The following CEP63 variants were observed in gnomAD, a reference collection of about 807,000 sequenced individuals.
CEP63 encodes centrosomal protein 63.
Under a neutral mutation model 89.1 loss-of-function variants are expected in CEP63, and 84 were observed. That is an observed-to-expected ratio of 0.94 (90% confidence interval 0.79 to 1.13). The LOEUF is 1.13. CEP63 is among the 50% of genes most tolerant of loss of function. CEP63 has a pLI of 0.00. For synonymous variants in CEP63, 267 were observed against 272.5 expected (o/e 0.98, Z 0.20); for missense variants, 838 against 813.3 (o/e 1.03, Z -0.37).
the CEP63 span, chr3:134,620,912 G>T: frequency 4.6e-6 from 5 of 1,091,080 alleles, no homozygotes; most frequent in East Asian, 2.5e-5. Context: ...GCTGTTGGGG[G>T]CCCAGCATCT....
the CEP63 span, among the ~76,000 whole-genome samples, chr3:134,719,056 C>T: frequency 1.3e-5 from 2 of 152,364 alleles, no homozygotes; most frequent in Admixed American, 1.3e-4. Flanking sequence ...TCTTCATTCA[C>T]TAACTGTGCA....
At chr3:134,608,542 G>C in the CEP63 span, 2 of 1,604,822 alleles carry the variant, frequency 1.2e-6, no homozygotes, top group South Asian at 2.2e-5. Flanking sequence ...CAAGCCATGC[G>C]TCTGGAAGGG....
chr3:134,699,766 C>G, the CEP63 span, among the ~76,000 whole-genome samples: 1 of 152,240 alleles, frequency 6.6e-6, no homozygotes, highest in African/African-American at 2.4e-5. Flanking sequence ...CCTTGACTGT[C>G]ATCCTGGGCT....
In CEP63 at chr3:134,493,822, G is replaced by A. The variant is rs541242358; in HGVS notation, c.-25-1474G>A. Among the ~76,000 whole-genome samples, 2 of 152,242 alleles carry A rather than the reference G, an allele frequency of 1.3e-5. 1 individual carries two copies. The highest frequency in any genetic ancestry group is 4.8e-5 in the African/African-American group (2 of 41,524). The stretch of plus-strand genomic sequence containing the variant: ...TTGTTAGTACAACATTGAATTACGT[G>A]TTGAGTAAAATAATCTACTTCTTAC... On this transcript the variant is annotated intron_variant, in intron 1 of 14. Transcript: ENST00000675561.
chr3:134,700,068 C>T, the CEP63 span, among the ~76,000 whole-genome samples: 1 of 152,242 alleles, frequency 6.6e-6, no homozygotes, highest in Non-Finnish European at 1.5e-5. Context: ...ACATGTTGTG[C>T]CCTTGGTGGC....
At chr3:134,717,438 G>C in the CEP63 span, among the ~76,000 whole-genome samples, 1 of 152,268 alleles carries the variant, frequency 6.6e-6, no homozygotes, top group South Asian at 2.1e-4. Context: ...TAGCTTGGGT[G>C]ATCTTATCTT....
the CEP63 span, among the ~76,000 whole-genome samples, chr3:134,750,709 A>T: frequency 3.3e-5 from 5 of 152,168 alleles, no homozygotes; most frequent in African/African-American, 1.2e-4. Context: ...CTCTGGCCTT[A>T]TCTTTCCCAC....
At position 134,520,734 on chromosome 3, in the gene CEP63, A is replaced by G. The variant is rs112953534; in HGVS notation, c.223-11111A>G. ...GAGTCCCGTAACAGAGATCCCACAT[A>G]TGTGAACATTTGATTCATGACAAGA... On this transcript the variant is annotated intron_variant, in intron 3 of 14. Coordinates refer to ENST00000675561, the MANE Select transcript of CEP63 (RefSeq NM_001353108.3). Among the ~76,000 whole-genome samples the G allele has an allele frequency of 8.7e-3, 1,325 of 152,298 alleles. 18 individuals are homozygous for G. The highest frequency in any genetic ancestry group is 0.031 in the African/African-American group (1,274 of 41,572).
chr3:134,619,134 C>T, the CEP63 span: 4 of 1,605,904 alleles, frequency 2.5e-6, no homozygotes, highest in Admixed American at 3.3e-5. Flanking sequence ...CATGGGGACT[C>T]CTGTCTCTCG....
At chr3:134,503,173 C>A (rs1306606005) in intron 2 of CEP63, among the ~76,000 whole-genome samples, 2 of 140,778 alleles carry the variant, frequency 1.4e-5, no homozygotes. Context: ...CTCCTCTTAG[C>A]ACTGCCTTTG....
chr3:134,649,384 A>G, the CEP63 span, among the ~76,000 whole-genome samples: 1 of 152,136 alleles, frequency 6.6e-6, no homozygotes, highest in Admixed American at 6.5e-5. Flanking sequence ...AGCCTTTAGA[A>G]GTGATGTGAT....
the CEP63 span, among the ~76,000 whole-genome samples, chr3:134,623,656 C>G: frequency 2.0e-5 from 3 of 152,002 alleles, no homozygotes; most frequent in Non-Finnish European, 4.4e-5. Flanking sequence ...CACTACTCAC[C>G]TCCTGCTTGC....
intron 1 of CEP63, chr3:134,486,826 T>A (rs1471145782): frequency 6.6e-6 from 1 of 152,422 alleles, no homozygotes; most frequent in Non-Finnish European, 1.5e-5. Flanking sequence ...TGGAGAACCC[T>A]GAACTAACGG....
chr3:134,578,081 G>A (rs547829360), downstream of CEP63, among the ~76,000 whole-genome samples: 3 of 152,136 alleles, frequency 2.0e-5, no homozygotes, highest in Non-Finnish European at 2.9e-5. Context: ...TGCAATAAAC[G>A]TGTGTGCATG....
intron 6 of CEP63, among the ~76,000 whole-genome samples, chr3:134,538,533 G>GTATA (rs1404514000): frequency 0.025 from 2,556 of 101,148 alleles, 58 homozygotes; most frequent in African/African-American, 0.053. Flanking sequence ...GTGTGTGTGT[G>GTATA]TATATATATA....
the CEP63 span, among the ~76,000 whole-genome samples, chr3:134,682,447 C>A: frequency 6.6e-5 from 10 of 152,136 alleles, no homozygotes; most frequent in Non-Finnish European, 1.3e-4. Context: ...AGCAAAAGCT[C>A]TAAAAGAAGG....
chr3:134,753,047 C>T, the CEP63 span, among the ~76,000 whole-genome samples: 1 of 152,170 alleles, frequency 6.6e-6, no homozygotes. Flanking sequence ...AGGTCATAGG[C>T]AGATGGGGAT....
the CEP63 span, among the ~76,000 whole-genome samples, chr3:134,635,843 C>T: frequency 2.6e-5 from 4 of 152,128 alleles, no homozygotes; most frequent in Admixed American, 1.3e-4. Flanking sequence ...GAAAGTGAAA[C>T]TCCTTTAAGA....
downstream of CEP63, among the ~76,000 whole-genome samples, chr3:134,578,941 A>G (rs1324375907): frequency 3.3e-5 from 5 of 152,090 alleles, no homozygotes; most frequent in Non-Finnish European, 5.9e-5. Context: ...TATTTTTAGT[A>G]GAGACATGGT....
Sources: allele counts gnomAD v4.1 joint callset (sites outside exome capture counted in the v4.1 genomes callset), GRCh38; gene constraint gnomAD v4.1.1; transcripts MANE v1.5; gene names NCBI Gene and HGNC (gene_info 2026-07-23, HGNC 2026-07-21).